PKLR: variants seen among roughly 807,000 people sequenced by gnomAD.
PKLR encodes pyruvate kinase PKLR.
Under a neutral mutation model 53.6 loss-of-function variants are expected in PKLR, and 38 were observed. The ratio of observed to expected loss-of-function variants is 0.71; its 90% CI spans 0.55 to 0.93. The LOEUF is 0.93. Ranked by LOEUF, PKLR falls within the 40% of genes least tolerant of loss-of-function variation. The pLI, the probability that PKLR is intolerant of heterozygous loss-of-function variation, is 0.00. For synonymous variants in PKLR, 328 were observed against 316.2 expected (o/e 1.04, Z -0.39); for missense variants, 702 against 787.3 (o/e 0.89, Z 1.30).
chr1:155,293,505 C>G lies in PKLR; in HGVS notation c.1202G>C (p.Cys401Ser). 1 of 1,614,244 alleles carries G rather than the reference C, an allele frequency of 6.2e-7. No individual in the cohort carries two copies. Among genetic ancestry groups the G allele is most frequent in the Non-Finnish European group, 8.5e-7 (1 of 1,180,028 alleles). The change falls in exon 8 of 11, where the codon TGC becomes TCC. Residue 401 changes from cysteine (C) to serine (S), a missense_variant. By Grantham distance (112) the Cys-to-Ser change is moderately radical (BLOSUM62 -1). Around this residue, in one of 2 missense-constraint regions of PKLR, gnomAD observed 183 missense variants for 250.2 expected, o/e 0.73. Transcript: ENST00000342741. This position sits in a 1 kb window ranked among gnomAD's most constrained non-coding sequence, Gnocchi z 4.2. ...VANAVLDGADCIMLSGETAKG... is the reference protein window; with the variant it reads ...VANAVLDGADSIMLSGETAKG... ...GGCAGTCTCCCCTGACAGCATGATGCAGTCAGCCCCATCCAGCACAGCATT... is the reference window on the plus strand; with the variant it reads ...GGCAGTCTCCCCTGACAGCATGATGGAGTCAGCCCCATCCAGCACAGCATT...
chr1:155,295,855 C>A lies in PKLR; in HGVS notation c.284-99G>T. The A allele has an allele frequency of 1.0e-6, 1 of 975,124 alleles. No individual in the cohort carries two copies. The highest frequency in any genetic ancestry group is 2.5e-5 in the East Asian group (1 of 40,556). The allele number at this position is 975,124 out of a possible 1,614,324, so 60.4% of individuals were successfully genotyped here. On this transcript the variant is annotated intron_variant, in intron 2 of 10. Transcript: ENST00000342741. This position sits in a 1 kb window ranked among gnomAD's most constrained non-coding sequence, Gnocchi z 4.3. ...TTCTCAGAACGCCTCACGCCACAGGCGTCCTGTTACCTGATCTTTATTCCC... is the reference window on the plus strand; with the variant it reads ...TTCTCAGAACGCCTCACGCCACAGGAGTCCTGTTACCTGATCTTTATTCCC...
chr1:155,299,781 C>T (rs1647879976), intron 2 of PKLR, among the ~76,000 whole-genome samples: 1 of 152,026 alleles, frequency 6.6e-6, no homozygotes, highest in Admixed American at 6.6e-5. Context: ...GCTGCGATTA[C>T]AGGCATGAGC....
intron 2 of PKLR, among the ~76,000 whole-genome samples, chr1:155,297,094 G>C (rs1464182951): frequency 2.6e-5 from 4 of 151,982 alleles, no homozygotes; most frequent in Non-Finnish European, 4.4e-5. Context: ...TCCCCTTAAC[G>C]TTAGATACCC....
chr1:155,292,493 A>T (rs1647264625), intron 9 of PKLR, among the ~76,000 whole-genome samples: 1 of 152,026 alleles, frequency 6.6e-6, no homozygotes, highest in Admixed American at 6.6e-5. Context: ...AAAAATATGC[A>T]GGGCGTTGTG....
At chr1:155,298,182 T>C (rs888571483) in intron 2 of PKLR, among the ~76,000 whole-genome samples, 2 of 151,914 alleles carry the variant, frequency 1.3e-5, no homozygotes, top group African/African-American at 4.8e-5. Context: ...ACTACAGGCA[T>C]GTGCCACCAC....
chr1:155,290,792 C>T, intron 10 of PKLR, 114 bp from the exon 11 acceptor site: 1 of 706,360 alleles, frequency 1.4e-6, no homozygotes, highest in South Asian at 1.5e-5. Context: ...AGTTTGAGAC[C>T]AGCCTGGCCA....
At chr1:155,296,322 C>T (rs1256955587) in intron 2 of PKLR, among the ~76,000 whole-genome samples, 2 of 152,052 alleles carry the variant, frequency 1.3e-5, no homozygotes, top group Admixed American at 6.6e-5. Context: ...CTGTGACACC[C>T]ATGTTTTCCT....
At chr1:155,305,728 C>T (rs1037443406), upstream of PKLR, among the ~76,000 whole-genome samples, 25 of 152,060 alleles carry the variant, frequency 1.6e-4, no homozygotes, top group Admixed American at 1.5e-3. Flanking sequence ...CTCCTGGGCT[C>T]AGGTGATCCT....
At chr1:155,290,859 C>A (rs966241849) in intron 10 of PKLR, among the ~76,000 whole-genome samples, 181 bp from the exon 11 acceptor site, 3 of 151,726 alleles carry the variant, frequency 2.0e-5, no homozygotes, top group Non-Finnish European at 4.4e-5. Context: ...TGTGGTGGCG[C>A]ATGCCTGTAA....
chr1:155,306,216 G>A (rs1648230811), upstream of PKLR, among the ~76,000 whole-genome samples: 1 of 152,206 alleles, frequency 6.6e-6, no homozygotes, highest in African/African-American at 2.4e-5. The surrounding 1 kb of genome is among the most constrained non-coding windows in gnomAD (Gnocchi z 4.2). Flanking sequence ...AGAAACAGAA[G>A]CCCAGCATCC....
upstream of PKLR, among the ~76,000 whole-genome samples, chr1:155,305,303 G>A (rs773677851): frequency 1.3e-5 from 2 of 152,198 alleles, no homozygotes; most frequent in Non-Finnish European, 2.9e-5. Flanking sequence ...AGTCTTGTCA[G>A]GAGTGGAGCT....
At chr1:155,298,970 CTTTCTTTCT>C (rs1466947434) in intron 2 of PKLR, among the ~76,000 whole-genome samples, 1 of 72,090 alleles carries the variant, frequency 1.4e-5, no homozygotes, top group Non-Finnish European at 2.5e-5. Flanking sequence ...TTCTTTCTTT[CTTTCTTTCT>C]TTCTTTCTTT....
In PKLR at chr1:155,294,227, C is replaced by T; in HGVS notation, c.1116+8G>A. 6.2e-7 allele frequency: 1 copy of T among 1,614,236 alleles called. No individual in the cohort carries two copies. Among genetic ancestry groups the T allele is most frequent in the Non-Finnish European group, 8.5e-7 (1 of 1,180,042 alleles). ...CAGAGTGCCGAACCTCAAGGCCTCA[C>T]TCCAGACCTGTGTGGCACAGACAAC... On this transcript the variant is annotated splice_region_variant and intron_variant, in intron 7 of 10. Coordinates refer to ENST00000342741, the MANE Select transcript of PKLR (RefSeq NM_000298.6).
In PKLR at chr1:155,295,355, C is replaced by A; in HGVS notation, c.508-53G>T. On this transcript the variant is annotated intron_variant, in intron 4 of 10. Coordinates refer to ENST00000342741, the MANE Select transcript of PKLR (RefSeq NM_000298.6). The surrounding 1 kb of genome is among the most constrained non-coding windows in gnomAD (Gnocchi z 4.3). ...GTTCTGAGCCCCGGAGTCCGGGACC[C>A]GCCCCTGCCCACGCCTGGGCCCAAC... 2 of 1,613,134 alleles carry A rather than the reference C, an allele frequency of 1.2e-6. No individual in the cohort carries two copies. The highest frequency in any genetic ancestry group is 2.2e-5 in the South Asian group (2 of 91,078).
chr1:155,301,194 T>C, intron 1 of PKLR, 102 bp downstream of exon 1: 1 of 1,442,890 alleles, frequency 6.9e-7, no homozygotes, highest in Non-Finnish European at 9.7e-7. Flanking sequence ...AAAACCCACC[T>C]AGCCAGTGGC....
At position 155,294,314 on chromosome 1, in the gene PKLR, G is replaced by C; in HGVS notation, c.1037C>G (p.Ala346Gly). The C allele has an allele frequency of 1.2e-6, 2 of 1,614,136 alleles. No homozygotes were observed. The highest frequency in any genetic ancestry group is 1.7e-6 in the Non-Finnish European group (2 of 1,180,026). The change falls in exon 7 of 11, where the codon GCA (alanine) becomes GGA (glycine). Residue 346 changes from alanine (A) to glycine (G), a missense_variant. Ala to Gly is a moderately conservative substitution (Grantham distance 60). This residue lies in a region of PKLR where 519 missense variants were observed against 537.1 expected (regional missense o/e 0.97). Coordinates refer to ENST00000342741, the MANE Select transcript of PKLR (RefSeq NM_000298.6). ...ARGDLGIEIPAEKVFLAQKMM... is the reference protein window; with the variant it reads ...ARGDLGIEIPGEKVFLAQKMM... ...CTTCTGAGCCAGGAAAACCTTCTCT[G>C]CTGGGATCTCGATGCCTAGGTCCCC...
At chr1:155,306,493 C>T in the PKLR span, among the ~76,000 whole-genome samples, 1 of 152,160 alleles carries the variant, frequency 6.6e-6, no homozygotes, top group Non-Finnish European at 1.5e-5. The surrounding 1 kb of genome is among the most constrained non-coding windows in gnomAD (Gnocchi z 4.2). Flanking sequence ...GGGGCACTGA[C>T]AGAACTGTGC....
At chr1:155,301,537 CA>C, upstream of PKLR, 3 of 1,031,552 alleles carry the variant, frequency 2.9e-6, no homozygotes, top group Non-Finnish European at 4.4e-6. Flanking sequence ...ATCCCTCCCC[CA>C]GAACGGCCTG....
At chr1:155,300,693 T>A (rs1435142828) in intron 1 of PKLR, among the ~76,000 whole-genome samples, 3 of 151,984 alleles carry the variant, frequency 2.0e-5, no homozygotes, top group Admixed American at 1.3e-4. Flanking sequence ...CCTCACCCTA[T>A]GCAGACCCAG....
Sources: gnomAD v4.1 joint callset for allele counts (sites outside exome capture counted in the v4.1 genomes callset) on GRCh38, gnomAD v4.1.1 for gene constraint, gnomAD v4.1.1 regional missense constraint, Gnocchi (gnomAD v3.1) non-coding constraint, MANE v1.5 for transcripts, NCBI Gene and HGNC (gene_info 2026-07-23, HGNC 2026-07-21) for gene names.